Variants in IER3IP1 observed in about 807,000 individuals in gnomAD.
IER3IP1 encodes immediate early response 3-interacting protein 1.
IER3IP1 carries 16 observed loss-of-function variants against 12.2 expected under a neutral mutation model. That is an observed-to-expected ratio of 1.31 (90% CI 0.89 to 1.99). The LOEUF is 1.99. Ranked by LOEUF, IER3IP1 falls within the 30% of genes most tolerant of loss-of-function variation. The pLI, the probability that IER3IP1 is intolerant of heterozygous loss-of-function variation, is 0.00. For synonymous variants in IER3IP1, 42 were observed against 40.0 expected (o/e 1.05, Z -0.19); for missense variants, 95 against 95.8 (o/e 0.99, Z 0.03).
intron 2 of IER3IP1, 98 bp downstream of exon 2, chr18:47,157,338 C>A: frequency 1.0e-6 from 1 of 980,530 alleles, no homozygotes; most frequent in East Asian, 2.4e-5. Flanking sequence ...AAAAAAATTC[C>A]CACTACAAAT....
At chr18:47,176,126 A>T in intron 1 of IER3IP1, 61 bp downstream of exon 1, 1 of 1,381,584 alleles carries the variant, frequency 7.2e-7, no homozygotes, top group Non-Finnish European at 1.0e-6. Flanking sequence ...CGGCCCCATT[A>T]GGTTACGCGC....
rs1343160318 is a variant in IER3IP1 at position 47,154,835 on chromosome 18, A to G, written c.*1342T>C. ...TTTTAGAAGTAACTGAAGTCATGAA[A>G]TAAAAGGTGCTCATGAGTCTTCTGG... On this transcript the variant is annotated 3_prime_UTR_variant, in exon 3 of 3. Transcript: ENST00000256433. 3 of 152,216 alleles carry G rather than the reference A, an allele frequency of 2.0e-5. No homozygotes were observed. The highest frequency in any genetic ancestry group is 7.2e-5 in the African/African-American group (3 of 41,464). The allele number at this position is 152,216 out of a possible 1,614,324, so 9.4% of individuals were successfully genotyped here.
At chr18:47,160,080 A>T (rs2063975084) in intron 1 of IER3IP1, among the ~76,000 whole-genome samples, 1 of 152,120 alleles carries the variant, frequency 6.6e-6, no homozygotes, top group South Asian at 2.1e-4. Flanking sequence ...CTGTAATCCC[A>T]GATACTCAGG....
intron 1 of IER3IP1, among the ~76,000 whole-genome samples, chr18:47,166,456 G>T (rs2063996249): frequency 6.6e-6 from 1 of 152,100 alleles, no homozygotes. Context: ...CCACTTAAAG[G>T]GGTTAAGTCA....
intron 2 of IER3IP1, among the ~76,000 whole-genome samples, 178 bp from the exon 3 acceptor site, chr18:47,156,410 TTA>T (rs1238236877): frequency 2.0e-5 from 3 of 152,138 alleles, no homozygotes; most frequent in African/African-American, 7.2e-5. Flanking sequence ...GATCCAAAAC[TTA>T]TTTTAAAGAG....
chr18:47,169,515 C>T (rs2064008199), intron 1 of IER3IP1, among the ~76,000 whole-genome samples: 1 of 152,148 alleles, frequency 6.6e-6, no homozygotes, highest in African/African-American at 2.4e-5. Context: ...AACCATTTTA[C>T]ATTCTCTTTA....
rs553357348 is a variant in IER3IP1 at position 47,176,342 on chromosome 18, C to T, written c.-65G>A. ...CCCGCCGCCGCAAGGGACGTGGCGC[C>T]TCCACGGCCGGCGCCTTCCTACGGA... is the stretch of plus-strand genomic sequence containing the variant. On this transcript the variant is annotated 5_prime_UTR_variant, in exon 1 of 3. Coordinates refer to ENST00000256433, the MANE Select transcript of IER3IP1 (RefSeq NM_016097.5). 4.0e-4 allele frequency: 570 copies of T among 1,434,684 alleles called. 4 individuals are homozygous for T. The highest frequency in any genetic ancestry group is 5.0e-4 in the Non-Finnish European group (519 of 1,043,506). 88.9% of individuals were successfully genotyped at this position (1,434,684 alleles called of 1,614,324 possible). A position where few individuals can be genotyped will look rare whatever the true frequency, so the allele number is the denominator to read the frequency against.
In IER3IP1 at chr18:47,154,170, G is replaced by A. The variant is rs1483633098; in HGVS notation, c.*2007C>T. The A allele has an allele frequency of 6.6e-6, 1 of 152,186 alleles. No individual in the cohort carries two copies. Among genetic ancestry groups the A allele is most frequent in the Non-Finnish European group, 1.5e-5 (1 of 68,078 alleles). The allele number at this position is 152,186 out of a possible 1,614,324, so 9.4% of individuals were successfully genotyped here. ...AATCCTGGTAATAGATAAAGGGGAG[G>A]ACATGGGCAGGCCAACAGGCACTTA... On this transcript the variant is annotated 3_prime_UTR_variant, in exon 3 of 3. Coordinates refer to ENST00000256433, the MANE Select transcript of IER3IP1 (RefSeq NM_016097.5).
At chr18:47,175,446 C>T (rs1311224078) in intron 1 of IER3IP1, among the ~76,000 whole-genome samples, 1 of 134,696 alleles carries the variant, frequency 7.4e-6, no homozygotes, top group African/African-American at 2.8e-5. Context: ...TTCCCCTCCA[C>T]ACCCAACTCG....
At chr18:47,171,371 T>C (rs2064014856) in intron 1 of IER3IP1, among the ~76,000 whole-genome samples, 1 of 152,206 alleles carries the variant, frequency 6.6e-6, no homozygotes, top group South Asian at 2.1e-4. Flanking sequence ...TCATATTAGG[T>C]TAATACTGAC....
In IER3IP1 at chr18:47,155,040, G is replaced by A. The variant is rs866099757; in HGVS notation, c.*1137C>T. On this transcript the variant is annotated 3_prime_UTR_variant, in exon 3 of 3. Transcript: ENST00000256433. ...TTTATACTAAGGTACAAAAACAAGT[G>A]CTTGACTTAGAAATTTAACTTTATT... The A allele has an allele frequency of 6.6e-6, 1 of 152,166 alleles. No individual in the cohort carries two copies. The highest frequency in any genetic ancestry group is 1.9e-4 in the East Asian group (1 of 5,198). 9.4% of individuals were successfully genotyped at this position (152,166 alleles called of 1,614,324 possible). A position where few individuals can be genotyped will look rare whatever the true frequency, so the allele number is the denominator to read the frequency against.
intron 2 of IER3IP1, chr18:47,157,223 A>T (rs12326412): frequency 1.0e-5 from 6 of 593,446 alleles, no homozygotes; most frequent in African/African-American, 5.6e-5. Context: ...TATTATACTA[A>T]GCATTCTATT....
rs2064034208 is a variant in IER3IP1 at position 47,176,320 on chromosome 18, G to C, written c.-43C>G. The stretch of plus-strand genomic sequence containing the variant: ...CCGAAGTCCAAGCGATTTCTCTCCC[G>C]CCGCCGCAAGGGACGTGGCGCCTCC... On this transcript the variant is annotated 5_prime_UTR_variant, in exon 1 of 3. Coordinates refer to ENST00000256433, the MANE Select transcript of IER3IP1 (RefSeq NM_016097.5). The C allele has an allele frequency of 6.6e-7, 1 of 1,521,162 alleles. No homozygotes were observed. The highest frequency in any genetic ancestry group is 9.0e-7 in the Non-Finnish European group (1 of 1,114,838). 94.2% of individuals were successfully genotyped at this position (1,521,162 alleles called of 1,614,324 possible). A position where few individuals can be genotyped will look rare whatever the true frequency, so the allele number is the denominator to read the frequency against.
chr18:47,165,536 G>C (rs955200953), intron 1 of IER3IP1, among the ~76,000 whole-genome samples: 1 of 130,238 alleles, frequency 7.7e-6, no homozygotes, highest in Admixed American at 8.4e-5. Flanking sequence ...CTGGGGGACA[G>C]AACAAGACTC....
intron 1 of IER3IP1, among the ~76,000 whole-genome samples, chr18:47,170,005 C>T (rs1367745999): frequency 1.3e-5 from 2 of 152,114 alleles, no homozygotes; most frequent in Non-Finnish European, 2.9e-5. Context: ...TTTTACCCAA[C>T]CAAAACTCAC....
At position 47,156,341 on chromosome 18, in the gene IER3IP1, C is replaced by G. The variant is rs540329720; in HGVS notation, c.194-109G>C. The stretch of plus-strand genomic sequence containing the variant: ...ATAGAAATATCTAACAATATGTCAT[C>G]ATAATCATGTTGTAAAAAGTTATAA... On this transcript the variant is annotated intron_variant, in intron 2 of 2. Transcript: ENST00000256433. The G allele has an allele frequency of 3.3e-4, 227 of 689,850 alleles. 3 individuals are homozygous for G. Among genetic ancestry groups the G allele is most frequent in the South Asian group, 2.9e-3 (178 of 61,036 alleles). 42.7% of individuals were successfully genotyped at this position (689,850 alleles called of 1,614,324 possible).
At chr18:47,165,974 G>A (rs1226222666) in intron 1 of IER3IP1, among the ~76,000 whole-genome samples, 1 of 152,236 alleles carries the variant, frequency 6.6e-6, no homozygotes, top group African/African-American at 2.4e-5. Flanking sequence ...TGTTTCTATT[G>A]TGGTGTTCAT....
At chr18:47,161,621 A>G (rs927631787) in intron 1 of IER3IP1, among the ~76,000 whole-genome samples, 17 of 151,934 alleles carry the variant, frequency 1.1e-4, no homozygotes, top group Admixed American at 4.6e-4. Flanking sequence ...AAGTATTCCT[A>G]TTTGCAGTCA....
At chr18:47,161,898 GATC>G (rs550446890) in intron 1 of IER3IP1, among the ~76,000 whole-genome samples, 68 of 151,614 alleles carry the variant, frequency 4.5e-4, no homozygotes, top group Non-Finnish European at 7.7e-4. Context: ...GACAGTGATA[GATC>G]ATCAGGCATT....
Sources: allele counts gnomAD v4.1 joint callset (sites outside exome capture counted in the v4.1 genomes callset), GRCh38; gene constraint gnomAD v4.1.1; transcripts MANE v1.5; gene names NCBI Gene and HGNC (gene_info 2026-07-23, HGNC 2026-07-21).